Variants in USP50 observed in about 807,000 individuals in gnomAD.
USP50 encodes the protein ubiquitin specific peptidase 50.
Under a neutral mutation model 39.2 loss-of-function variants are expected in USP50, and 37 were observed. That is an observed-to-expected ratio of 0.94 (90% confidence interval 0.73 to 1.24). The LOEUF is 1.24. Among genes scored for constraint, USP50 ranks in the 50% most tolerant of loss-of-function variants. USP50 has a pLI of 0.00. For missense variants in USP50, 374 were observed against 398.2 expected (o/e 0.94, Z 0.52); for synonymous variants, 139 against 144.5 (o/e 0.96, Z 0.27).
At chr15:50,501,198 A>T (rs1285954221) in intron 6 of USP50, 1 of 202,790 alleles carries the variant, frequency 4.9e-6, no homozygotes, top group African/African-American at 2.3e-5. Flanking sequence ...AGTGGCTCAC[A>T]CCTGTAATCC....
chr15:50,545,998 C>A (rs1219097397), intron 1 of USP50, among the ~76,000 whole-genome samples: 1 of 151,054 alleles, frequency 6.6e-6, no homozygotes, highest in Admixed American at 6.7e-5. Flanking sequence ...ATGTGAATTG[C>A]CCAGACCTGC....
intron 1 of USP50, among the ~76,000 whole-genome samples, chr15:50,545,601 A>G (rs1028142246): frequency 1.3e-5 from 2 of 151,532 alleles, no homozygotes; most frequent in Middle Eastern, 3.5e-3. Flanking sequence ...ATATATATTG[A>G]AGGCATAATA....
At chr15:50,508,361 T>C (rs1220321640) in intron 6 of USP50, 1 of 152,204 alleles carries the variant, frequency 6.6e-6, no homozygotes, top group African/African-American at 2.4e-5. Flanking sequence ...GAATTGATCA[T>C]TTATTTTATA....
chr15:50,540,914 G>A (rs1291464009), intron 4 of USP50, 135 bp downstream of exon 4: 4 of 711,630 alleles, frequency 5.6e-6, no homozygotes, highest in Admixed American at 2.8e-5. Context: ...ATGAGCCACC[G>A]CACTCAGTCT....
At chr15:50,501,502 GCTT>G (rs754838341) in intron 6 of USP50, 6 of 151,222 alleles carry the variant, frequency 4.0e-5, no homozygotes, top group East Asian at 3.9e-4. Context: ...ACGTAAGATG[GCTT>G]CTTTTTTTTT....
At chr15:50,533,997 C>T (rs1264997799) in intron 5 of USP50, among the ~76,000 whole-genome samples, 3 of 151,094 alleles carry the variant, frequency 2.0e-5, no homozygotes, top group Non-Finnish European at 4.4e-5. Context: ...GAGACTCCAT[C>T]TCAAAAAAAA....
At chr15:50,513,197 C>T (rs2052760101) in intron 6 of USP50, 1 of 151,986 alleles carries the variant, frequency 6.6e-6, no homozygotes, top group Non-Finnish European at 1.5e-5. Flanking sequence ...TCTAAGTGAC[C>T]TCACTCCTAA....
chr15:50,544,918 C>T, intron 1 of USP50, 137 bp from the exon 2 acceptor site: 1 of 870,330 alleles, frequency 1.1e-6, no homozygotes, highest in Non-Finnish European at 1.7e-6. Context: ...CTACCAAGGA[C>T]AGGAAGTATT....
chr15:50,501,760 G>C (rs1340295928), intron 6 of USP50: 1 of 152,156 alleles, frequency 6.6e-6, no homozygotes, highest in Admixed American at 6.5e-5. Context: ...ATAAGGGTCA[G>C]CAAACCACGG....
chr15:50,520,945 G>A (rs1288326316), intron 6 of USP50, among the ~76,000 whole-genome samples: 1 of 152,134 alleles, frequency 6.6e-6, no homozygotes, highest in Non-Finnish European at 1.5e-5. Flanking sequence ...CATATTATTT[G>A]TATATTTCAA....
Position 50,538,759 on chromosome 15 carries a change from C to T in USP50, c.753G>A (p.Val251=). The T allele has an allele frequency of 6.2e-7, 1 of 1,613,358 alleles. No homozygotes were observed. Among genetic ancestry groups the T allele is most frequent in the Non-Finnish European group, 8.5e-7 (1 of 1,179,638 alleles). Residue 251 remains valine, a synonymous_variant, in exon 5 of 7, where the codon GTG becomes GTA. Transcript: ENST00000532404. ...SFCETKQETA[V]RASISKAPKI... ...TTGGTGCTTTGGAAATACTGGCCCT[C>T]ACAGCAGTTTCTTGCTTGGTTTCAC...
rs145489809 is a variant in USP50, at chr15:50,530,136, G to A, written c.804-207C>T. On this transcript the variant is annotated intron_variant, in intron 5 of 6. Coordinates refer to ENST00000532404, the MANE Select transcript of USP50 (RefSeq NM_203494.5). ...AGCCTGAGTAACATGGCAAAACCCC[G>A]TCTCTACATAAAATTCTCACCTGTA... 2.9e-3 allele frequency among the ~76,000 whole-genome samples: 444 copies of A among 152,172 alleles called. 3 individuals are homozygous for A. The highest frequency in any genetic ancestry group is 0.01 in the African/African-American group (433 of 41,520).
At chr15:50,506,826 CA>C (rs1261023703) in intron 6 of USP50, 26 of 151,938 alleles carry the variant, frequency 1.7e-4, no homozygotes, top group Non-Finnish European at 3.1e-4. Context: ...GGCATGGTGG[CA>C]GGCGCCTATA....
At chr15:50,526,988 G>C (rs2052903091) in intron 6 of USP50, among the ~76,000 whole-genome samples, 1 of 152,132 alleles carries the variant, frequency 6.6e-6, no homozygotes. Context: ...ATCTAACAAA[G>C]AATCTAGCAA....
At chr15:50,498,829 C>A, downstream of USP50, 1 of 1,547,484 alleles carries the variant, frequency 6.5e-7, no homozygotes, top group Non-Finnish European at 8.7e-7. Context: ...CAACATAAAG[C>A]TTTGAAACTA....
At chr15:50,498,883 T>TTCTA (rs200945863), downstream of USP50, 15,638 of 1,568,244 alleles carry the variant, frequency 1.0e-2, 104 homozygotes, top group Non-Finnish European at 0.011. Flanking sequence ...TGATTTTTTT[T>TTCTA]TCTATCTTGT....
At chr15:50,493,167 G>T, downstream of USP50, 1 of 567,156 alleles carries the variant, frequency 1.8e-6, no homozygotes, top group South Asian at 1.5e-5. Context: ...TCGTCCTGTC[G>T]AGCCCTAAAC....
chr15:50,526,610 TAC>T (rs2052900517), intron 6 of USP50, among the ~76,000 whole-genome samples: 2 of 152,262 alleles, frequency 1.3e-5, no homozygotes, highest in African/African-American at 4.8e-5. Flanking sequence ...GTAAGCCACA[TAC>T]ATATTGCTAT....
chr15:50,541,026 G>A (rs771345849), intron 4 of USP50, 23 bp downstream of exon 4: 27 of 1,582,696 alleles, frequency 1.7e-5, no homozygotes, highest in Non-Finnish European at 2.3e-5. Flanking sequence ...GAGACAAAGT[G>A]TCCAGGAATA....
Sources: gnomAD v4.1 joint callset for allele counts (sites outside exome capture counted in the v4.1 genomes callset) on GRCh38, gnomAD v4.1.1 for gene constraint, MANE v1.5 for transcripts, NCBI Gene and HGNC (gene_info 2026-07-23, HGNC 2026-07-21) for gene names.